The following DCUN1D4 variants were observed in gnomAD, a reference collection of about 807,000 sequenced individuals.
DCUN1D4 encodes the protein defective in cullin neddylation 1 domain containing 4, also known as DCN1-like protein 4.
DCUN1D4 carries 22 observed loss-of-function variants against 47.9 expected under a neutral mutation model. That is an observed-to-expected ratio of 0.46 (90% CI 0.33 to 0.66). The LOEUF (loss-of-function observed/expected upper bound fraction) is 0.66. Ranked by LOEUF, DCUN1D4 falls within the 30% of genes least tolerant of loss-of-function variation. The pLI is 0.02. For missense variants in DCUN1D4, 301 were observed against 340.8 expected, an observed-to-expected ratio of 0.88 and a Z score of 0.92; for synonymous variants, 121 against 112.2, an observed-to-expected ratio of 1.08 and a Z score of -0.50.
In DCUN1D4 at chr4:51,874,256, G is replaced by T. The variant is rs756787731; in HGVS notation, c.137-15G>T. ...AGCATACCTTAATTTTGTGCTCTTTGAATTTGTTTTGTAGGAAGTCTGCGG... is the reference window on the plus strand; with the variant it reads ...AGCATACCTTAATTTTGTGCTCTTTTAATTTGTTTTGTAGGAAGTCTGCGG... On this transcript the variant is annotated splice_polypyrimidine_tract_variant and intron_variant, in intron 3 of 10. Coordinates refer to ENST00000334635, the MANE Select transcript of DCUN1D4 (RefSeq NM_001040402.3). 1.3e-6 allele frequency: 2 copies of T among 1,593,386 alleles called. No individual in the cohort carries two copies. Among genetic ancestry groups the T allele is most frequent in the Admixed American group, 3.4e-5 (2 of 58,188 alleles).
intron 1 of DCUN1D4, among the ~76,000 whole-genome samples, chr4:51,843,896 G>T (rs553577637): frequency 2.0e-5 from 3 of 146,446 alleles, no homozygotes; most frequent in African/African-American, 7.7e-5. Context: ...CTGATGTAAC[G>T]GGAAAGCGAG....
At chr4:51,879,290 G>T (rs1171396755) in intron 5 of DCUN1D4, among the ~76,000 whole-genome samples, 1 of 152,166 alleles carries the variant, frequency 6.6e-6, no homozygotes, top group Non-Finnish European at 1.5e-5. Flanking sequence ...TGAATCTCTT[G>T]GAAACCTTTA....
upstream of DCUN1D4, among the ~76,000 whole-genome samples, chr4:51,841,037 G>C (rs1721618934): frequency 6.6e-6 from 1 of 152,198 alleles, no homozygotes; most frequent in Non-Finnish European, 1.5e-5. Context: ...AGTGTTGGGA[G>C]CTGGGGCAAA....
At chr4:51,860,532 C>T (rs985184606) in intron 1 of DCUN1D4, 34 of 452,372 alleles carry the variant, frequency 7.5e-5, no homozygotes, top group Admixed American at 3.3e-4. Context: ...AATTGACTCA[C>T]GGTTCTGCAG....
At chr4:51,847,015 A>G (rs947665490) in intron 1 of DCUN1D4, among the ~76,000 whole-genome samples, 7 of 152,180 alleles carry the variant, frequency 4.6e-5, no homozygotes, top group Non-Finnish European at 1.0e-4. Flanking sequence ...TTTCAGTGTC[A>G]TTGGATTGAA....
At chr4:51,863,775 A>G in intron 3 of DCUN1D4, 66 bp downstream of exon 3, 2 of 1,480,484 alleles carry the variant, frequency 1.4e-6, no homozygotes, top group Non-Finnish European at 9.3e-7. Flanking sequence ...GAGAAATACT[A>G]GCTATGAATG....
At chr4:51,870,138 T>C (rs1726652284) in intron 3 of DCUN1D4, among the ~76,000 whole-genome samples, 2 of 152,224 alleles carry the variant, frequency 1.3e-5, no homozygotes, top group Non-Finnish European at 1.5e-5. Context: ...TTAAAATAGC[T>C]CATTTTCTGA....
upstream of DCUN1D4, among the ~76,000 whole-genome samples, chr4:51,842,801 G>T (rs562057776): frequency 6.6e-6 from 1 of 152,210 alleles, no homozygotes; most frequent in African/African-American, 2.4e-5. Context: ...TTCTTGGTGG[G>T]TCTCCAGCTC....
At chr4:51,864,573 A>G (rs1212106572) in intron 3 of DCUN1D4, among the ~76,000 whole-genome samples, 1 of 152,202 alleles carries the variant, frequency 6.6e-6, no homozygotes, top group Non-Finnish European at 1.5e-5. Context: ...TGAAGGCACC[A>G]GCAGATCCTG....
At position 51,866,620 on chromosome 4, in the gene DCUN1D4, A is replaced by G. The variant is rs531520411; in HGVS notation, c.136+2911A>G. Among the ~76,000 whole-genome samples the G allele has an allele frequency of 3.3e-5, 5 of 152,300 alleles. No individual in the cohort carries two copies. In the East Asian group the frequency reaches 9.6e-4, roughly 29 times the overall value. ...ATGCTTATATGTTTAACTTTTAGCC[A>G]CCACTAATAATGCAGGAATATAACT... On this transcript the variant is annotated intron_variant, in intron 3 of 10. Coordinates refer to ENST00000334635, the MANE Select transcript of DCUN1D4 (RefSeq NM_001040402.3).
chr4:51,853,662 A>C (rs1230866275), intron 1 of DCUN1D4, among the ~76,000 whole-genome samples: 1 of 152,164 alleles, frequency 6.6e-6, no homozygotes, highest in African/African-American at 2.4e-5. Context: ...GGTGCCCCAC[A>C]CCCATTTTTA....
intron 8 of DCUN1D4, 70 bp downstream of exon 8, chr4:51,899,448 T>G (rs558818502): frequency 2.0e-6 from 3 of 1,510,728 alleles, no homozygotes; most frequent in Non-Finnish European, 2.6e-6. Flanking sequence ...CTTTTGAGGT[T>G]AGTTTTTACA....
At chr4:51,908,488 G>C (rs566516628) in intron 8 of DCUN1D4, among the ~76,000 whole-genome samples, 3 of 152,058 alleles carry the variant, frequency 2.0e-5, no homozygotes, top group East Asian at 3.9e-4. Flanking sequence ...CTTGCTCCTT[G>C]GTGCTCCATG....
Position 51,843,180 on chromosome 4 carries a change from GT to G in DCUN1D4, c.-62del. On this transcript the variant is annotated 5_prime_UTR_variant, in exon 1 of 11. Transcript: ENST00000334635. ...CTTCGAGCCGAGGTGCAGTGAGCTG[GT>G]GGGGGGACCGCGAGGCGAGCGCGGG... is the stretch of plus-strand genomic sequence containing the variant. 1 of 1,535,360 alleles carries G rather than the reference GT, an allele frequency of 6.5e-7. No individual in the cohort carries two copies. The highest frequency in any genetic ancestry group is 2.5e-5 in the East Asian group (1 of 39,728).
At chr4:51,858,050 A>G (rs1724419115) in intron 1 of DCUN1D4, among the ~76,000 whole-genome samples, 1 of 152,164 alleles carries the variant, frequency 6.6e-6, no homozygotes, top group Non-Finnish European at 1.5e-5. Flanking sequence ...GAAGAAAAGC[A>G]AAGCATGGTA....
At chr4:51,868,987 G>T (rs1726412931) in intron 3 of DCUN1D4, among the ~76,000 whole-genome samples, 1 of 151,948 alleles carries the variant, frequency 6.6e-6, no homozygotes, top group South Asian at 2.1e-4. Flanking sequence ...GCATGGTGGT[G>T]CATGCCTATA....
chr4:51,873,585 A>C (rs1204572787), intron 3 of DCUN1D4, among the ~76,000 whole-genome samples: 1 of 152,222 alleles, frequency 6.6e-6, no homozygotes, highest in Non-Finnish European at 1.5e-5. Flanking sequence ...AAGTGTTAAG[A>C]ACAGGGCCTG....
At chr4:51,854,071 C>G (rs1723773672) in intron 1 of DCUN1D4, among the ~76,000 whole-genome samples, 1 of 152,162 alleles carries the variant, frequency 6.6e-6, no homozygotes. Flanking sequence ...GACCCATAAA[C>G]CTAGGTTTTG....
Position 51,913,546 on chromosome 4 carries a change from G to C in DCUN1D4, c.841G>C (p.Glu281Gln), listed in dbSNP as rs760026098. The C allele has an allele frequency of 1.2e-6, 2 of 1,612,526 alleles. No homozygotes were observed. The highest frequency in any genetic ancestry group is 1.7e-6 in the Non-Finnish European group (2 of 1,179,100). Residue 281 changes from glutamate (E) to glutamine (Q), a missense_variant, in exon 11 of 11, where the codon GAG (glutamate) becomes CAG (glutamine). Glu to Gln is a conservative substitution (Grantham distance 29). Around this residue, in one of 2 missense-constraint regions of DCUN1D4, gnomAD observed 170 missense variants for 234.5 expected, o/e 0.73. Transcript: ENST00000334635. ...CTCTCCAGGGCCAGTTTTGTTGGAC[G>C]AGTTTGTGGAGTGGTATAAAGACAA... ...EDGAWPVLLD[E>Q]FVEWYKDKQM...
Sources: allele counts gnomAD v4.1 joint callset (sites outside exome capture counted in the v4.1 genomes callset), GRCh38; gene constraint gnomAD v4.1.1; regional missense constraint gnomAD v4.1.1; transcripts MANE v1.5; gene names NCBI Gene and HGNC (gene_info 2026-07-23, HGNC 2026-07-21).